Variants in BAG4 observed in about 807,000 individuals in gnomAD.
BAG4 encodes BAG cochaperone 4.
A neutral mutation model predicts 52.1 loss-of-function variants in BAG4; 28 were observed. The ratio of observed to expected loss-of-function variants is 0.54; its 90% CI spans 0.40 to 0.74. The LOEUF (loss-of-function observed/expected upper bound fraction) is 0.74, where lower values mean the gene tolerates loss of function less well. Ranked by LOEUF, BAG4 falls within the 30% of genes least tolerant of loss-of-function variation. The probability of loss-of-function intolerance (pLI) is 0.00; values close to 1 mark genes in which losing one functional copy is unlikely to be tolerated. For missense variants in BAG4, 525 were observed against 572.0 expected (o/e 0.92, Z 0.84); for synonymous variants, 208 against 217.0 (o/e 0.96, Z 0.37).
At chr8:38,187,866 C>CA (rs35690753) in intron 1 of BAG4, among the ~76,000 whole-genome samples, 12,150 of 56,108 alleles carry the variant, frequency 0.22, 732 homozygotes, top group Middle Eastern at 0.32. Flanking sequence ...ACTAAAAATA[C>CA]AAAAAAAAAA....
intron 2 of BAG4, among the ~76,000 whole-genome samples, chr8:38,196,625 T>G (rs1383177384): frequency 6.6e-6 from 1 of 151,804 alleles, no homozygotes; most frequent in Non-Finnish European, 1.5e-5. Flanking sequence ...CACTGCAGCC[T>G]GGGCAACAGA....
intron 2 of BAG4, among the ~76,000 whole-genome samples, chr8:38,203,668 T>C (rs553194995): frequency 6.6e-6 from 1 of 151,818 alleles, no homozygotes; most frequent in South Asian, 2.1e-4. Context: ...TTGTGAGTTT[T>C]TAGAAAGCCC....
intron 2 of BAG4, among the ~76,000 whole-genome samples, chr8:38,194,254 T>C (rs2130676161): frequency 6.6e-6 from 1 of 152,192 alleles, no homozygotes; most frequent in East Asian, 1.9e-4. Context: ...TACTTTTATT[T>C]TACATGTTTT....
intron 2 of BAG4, among the ~76,000 whole-genome samples, chr8:38,193,245 T>TC (rs1481122447): frequency 1.3e-5 from 2 of 151,728 alleles, no homozygotes; most frequent in South Asian, 4.2e-4. Context: ...ATGGTGAAAC[T>TC]CCATCTCTAC....
intron 1 of BAG4, among the ~76,000 whole-genome samples, chr8:38,188,766 A>G (rs571855708): frequency 6.6e-6 from 1 of 151,290 alleles, no homozygotes; most frequent in African/African-American, 2.4e-5. Flanking sequence ...GGCTACTTTA[A>G]TATCAGCTTT....
intron 2 of BAG4, chr8:38,201,867 T>C (rs1803675828): frequency 9.7e-5 from 1 of 10,362 alleles, no homozygotes; most frequent in Non-Finnish European, 2.1e-4. Flanking sequence ...TATATATATA[T>C]ATATATATAT....
At chr8:38,192,605 C>T in intron 1 of BAG4, 83 bp from the exon 2 acceptor site, 1 of 1,087,248 alleles carries the variant, frequency 9.2e-7, no homozygotes, top group South Asian at 1.6e-5. Flanking sequence ...TTTTTTTAAT[C>T]CTTATAACCT....
chr8:38,203,717 C>A (rs1803723055), intron 2 of BAG4, among the ~76,000 whole-genome samples: 2 of 151,590 alleles, frequency 1.3e-5, no homozygotes, highest in African/African-American at 4.9e-5. Context: ...TACCTGTAGT[C>A]CAAGCTACTT....
At chr8:38,189,622 T>C (rs1803434604) in intron 1 of BAG4, among the ~76,000 whole-genome samples, 1 of 152,220 alleles carries the variant, frequency 6.6e-6, no homozygotes, top group Non-Finnish European at 1.5e-5. Flanking sequence ...CAGGTCTACC[T>C]GTGTGTCTTC....
chr8:38,196,637 C>T (rs370791236), intron 2 of BAG4, among the ~76,000 whole-genome samples: 5 of 151,444 alleles, frequency 3.3e-5, no homozygotes, highest in Admixed American at 1.3e-4. Context: ...GGCAACAGAG[C>T]GAGACTCTGT....
intron 1 of BAG4, among the ~76,000 whole-genome samples, chr8:38,186,477 C>A (rs1563280085): frequency 6.6e-6 from 1 of 151,938 alleles, no homozygotes; most frequent in African/African-American, 2.4e-5. Context: ...TGGAGAAAGT[C>A]AAAAAAACTG....
intron 2 of BAG4, among the ~76,000 whole-genome samples, chr8:38,205,788 G>A (rs1369508232): frequency 2.6e-5 from 4 of 152,122 alleles, no homozygotes; most frequent in Non-Finnish European, 5.9e-5. Flanking sequence ...TATAGTCTTC[G>A]AGATAGAGAT....
intron 1 of BAG4, among the ~76,000 whole-genome samples, chr8:38,182,749 C>T (rs948176837): frequency 2.6e-5 from 4 of 152,198 alleles, no homozygotes; most frequent in Middle Eastern, 3.4e-3. Flanking sequence ...GGGCCATGAG[C>T]TACAGACTTT....
At chr8:38,206,835 C>T (rs1162755630) in intron 2 of BAG4, among the ~76,000 whole-genome samples, 1 of 152,018 alleles carries the variant, frequency 6.6e-6, no homozygotes, top group Non-Finnish European at 1.5e-5. Flanking sequence ...GGCTGGAGTG[C>T]AGTGGTACAA....
intron 2 of BAG4, chr8:38,201,912 G>A (rs58729933): frequency 6.9e-5 from 3 of 43,650 alleles, no homozygotes; most frequent in East Asian, 7.2e-4. Context: ...TTTTTTTTAA[G>A]AAGCTGTTAA....
intron 2 of BAG4, among the ~76,000 whole-genome samples, chr8:38,205,194 G>T (rs900195515): frequency 7.2e-6 from 1 of 139,850 alleles, no homozygotes; most frequent in Non-Finnish European, 1.5e-5. Flanking sequence ...ACCACGCCCA[G>T]CTAATTAATT....
Position 38,210,291 on chromosome 8 carries a change from A to G in BAG4, c.1172A>G (p.Gln391Arg), listed in dbSNP as rs1273050892. ...KKIIHVLEKV[Q>R]YLEQEVEEFV... ...ATCATACATGTGCTGGAGAAGGTCCAGTATCTTGAACAAGAAGTAGAAGAA... is the reference window on the plus strand; with the variant it reads ...ATCATACATGTGCTGGAGAAGGTCCGGTATCTTGAACAAGAAGTAGAAGAA... Residue 391 changes from glutamine to arginine, a missense_variant, in exon 5 of 5, where the codon CAG (glutamine) becomes CGG (arginine). Transcript: ENST00000287322. 1.2e-6 allele frequency: 2 copies of G among 1,614,218 alleles called. No homozygotes were observed. The highest frequency in any genetic ancestry group is 1.3e-5 in the African/African-American group (1 of 75,066).
Position 38,192,805 on chromosome 8 carries a change from A to G in BAG4, c.378+10A>G. 6.4e-7 allele frequency: 1 copy of G among 1,555,960 alleles called. No individual in the cohort carries two copies. The highest frequency in any genetic ancestry group is 8.7e-7 in the Non-Finnish European group (1 of 1,147,332). ...AGAATTGCAAGGCCAGGTATGGTTTAAAAACAGAGACTTTCTGAACTTTTT... is the reference window on the plus strand; with the variant it reads ...AGAATTGCAAGGCCAGGTATGGTTTGAAAACAGAGACTTTCTGAACTTTTT... On this transcript the variant is annotated intron_variant, in intron 2 of 4. Transcript: ENST00000287322.
intron 1 of BAG4, among the ~76,000 whole-genome samples, chr8:38,190,599 C>CTT (rs1563281205): frequency 4.8e-4 from 65 of 136,402 alleles, no homozygotes; most frequent in African/African-American, 1.3e-3. Flanking sequence ...GCCCACCTGA[C>CTT]ATTTTTTTTT....
Sources: allele counts gnomAD v4.1 joint callset (sites outside exome capture counted in the v4.1 genomes callset), GRCh38; gene constraint gnomAD v4.1.1; transcripts MANE v1.5; gene names NCBI Gene and HGNC (gene_info 2026-07-23, HGNC 2026-07-21).